SOX6: variants seen among roughly 807,000 people sequenced by gnomAD.
The protein encoded by SOX6 is SRY-box transcription factor 6.
SOX6 carries 11 observed loss-of-function variants against 97.8 expected under a neutral mutation model. The observed-to-expected ratio is 0.11, with a 90% CI of 0.07 to 0.19. SOX6 has a LOEUF of 0.19. Ranked by LOEUF, SOX6 falls within the 10% of genes least tolerant of loss-of-function variation. SOX6 has a pLI of 1.00. For synonymous variants in SOX6, 360 were observed against 371.4 expected (o/e 0.97, Z 0.35); for missense variants, 810 against 1,039.5 (o/e 0.78, Z 3.04).
intron 3 of SOX6, among the ~76,000 whole-genome samples, chr11:16,286,917 G>T (rs12799126): frequency 0.17 from 25,706 of 151,432 alleles, 2,655 homozygotes; most frequent in Admixed American, 0.29. Flanking sequence ...GGTCCATAAG[G>T]GCTCATCATA....
At chr11:16,732,392 T>C (rs973378934) in intron 2 of SOX6, among the ~76,000 whole-genome samples, 1 of 152,128 alleles carries the variant, frequency 6.6e-6, no homozygotes, top group South Asian at 2.1e-4. Flanking sequence ...AACAGACATA[T>C]AGACCAACAG....
At chr11:16,134,040 T>C (rs1849890734) in intron 6 of SOX6, among the ~76,000 whole-genome samples, 1 of 152,234 alleles carries the variant, frequency 6.6e-6, no homozygotes, top group South Asian at 2.1e-4. Flanking sequence ...ATAATGATTA[T>C]AGTAATAAAG....
rs1308720391 is a variant in SOX6 at position 16,183,973 on chromosome 11, C to A, written c.709-19G>T. 3 of 1,609,864 alleles carry A rather than the reference C, an allele frequency of 1.9e-6. No individual in the cohort carries two copies. The highest frequency in any genetic ancestry group is 1.3e-5 in the African/African-American group (1 of 74,868). ...TCGCAATCTATCAGAAATAAAGTTT[C>A]ATTAAGTTAAAATGAAATGCTTACA... On this transcript the variant is annotated intron_variant, in intron 5 of 15. Coordinates refer to ENST00000683767, the MANE Select transcript of SOX6 (RefSeq NM_001367873.1).
rs1439397074 is a variant in SOX6 at position 16,583,940 on chromosome 11, T to A, written n.609+28141A>T. ...CAGCATTTTTTTGTCTTTTTGATTA[T>A]AGCCATACTAACTGGGGCGAGATAA... On this transcript the variant is annotated intron_variant and non_coding_transcript_variant, in intron 4 of 5. Coordinates refer to the SOX6 transcript ENST00000524520. 2.6e-5 allele frequency among the ~76,000 whole-genome samples: 4 copies of A among 152,136 alleles called. No individual in the cohort carries two copies. The East Asian group carries it at 7.7e-4, about 29-fold the overall frequency.
At position 16,642,734 on chromosome 11, in the gene SOX6, A is replaced by G. The variant is rs149021940; in HGVS notation, n.430-30474T>C. Among the ~76,000 whole-genome samples the G allele has an allele frequency of 3.9e-3, 594 of 151,510 alleles. 27 individuals are homozygous for G. In the East Asian group the frequency reaches 0.091, roughly 23 times the overall value. On this transcript the variant is annotated intron_variant and non_coding_transcript_variant, in intron 3 of 5. Transcript: ENST00000524520. ...CTATTGAAGCATGTGCATTTGTCACATAGTTCTCATGCCATGGTTTTCAGC... is the reference window on the plus strand; with the variant it reads ...CTATTGAAGCATGTGCATTTGTCACGTAGTTCTCATGCCATGGTTTTCAGC...
intron 1 of SOX6, among the ~76,000 whole-genome samples, chr11:16,342,589 C>T (rs149195043): frequency 3.4e-4 from 51 of 151,932 alleles, no homozygotes; most frequent in African/African-American, 1.1e-3. Context: ...ATCTGTCACA[C>T]GCTTTCATGA....
chr11:16,059,252 G>A (rs1249818232), intron 9 of SOX6, among the ~76,000 whole-genome samples: 1 of 151,982 alleles, frequency 6.6e-6, no homozygotes, highest in Non-Finnish European at 1.5e-5. Context: ...AATCTGCTGT[G>A]GTTAACCAGA....
chr11:16,151,228 C>T (rs888310592), intron 6 of SOX6, among the ~76,000 whole-genome samples: 3 of 152,000 alleles, frequency 2.0e-5, no homozygotes, highest in East Asian at 1.9e-4. Context: ...TTGAGAAGTT[C>T]TAGGTTTCAA....
chr11:16,123,239 G>A (rs118152431), intron 6 of SOX6, among the ~76,000 whole-genome samples: 1 of 152,030 alleles, frequency 6.6e-6, no homozygotes, highest in Non-Finnish European at 1.5e-5. Flanking sequence ...ATCACTGTGA[G>A]CTCATTATGC....
intron 9 of SOX6, among the ~76,000 whole-genome samples, chr11:16,077,970 C>T (rs1030186320): frequency 6.6e-6 from 1 of 152,274 alleles, no homozygotes; most frequent in East Asian, 1.9e-4. Context: ...TACTCAATCT[C>T]TCTCTCTCTG....
chr11:16,521,536 A>C (rs1861063279), intron 4 of SOX6, among the ~76,000 whole-genome samples: 1 of 152,180 alleles, frequency 6.6e-6, no homozygotes, highest in Admixed American at 6.5e-5. Flanking sequence ...GGGGAAAAAA[A>C]CAGAGCAGAA....
chr11:16,476,757 T>C (rs1860258575), upstream of SOX6, among the ~76,000 whole-genome samples: 1 of 152,214 alleles, frequency 6.6e-6, no homozygotes, highest in Non-Finnish European at 1.5e-5. Flanking sequence ...ATGAATTAGC[T>C]TCACAGAGAA....
chr11:16,153,579 T>A (rs1186053271), intron 6 of SOX6, among the ~76,000 whole-genome samples: 2 of 152,108 alleles, frequency 1.3e-5, no homozygotes, highest in Admixed American at 1.3e-4. Flanking sequence ...TATGAGCAAC[T>A]GAACACATAA....
intron 3 of SOX6, chr11:16,264,633 C>T (rs1020348171): frequency 2.0e-5 from 3 of 151,666 alleles, no homozygotes; most frequent in Non-Finnish European, 4.4e-5. Context: ...GTTGTTTTGA[C>T]AGATGCTGTG....
intron 1 of SOX6, among the ~76,000 whole-genome samples, chr11:16,446,456 G>A (rs1485585970): frequency 6.6e-6 from 1 of 152,030 alleles, no homozygotes; most frequent in Non-Finnish European, 1.5e-5. Context: ...AATGAGGTAA[G>A]CGAATTACCT....
intron 3 of SOX6, among the ~76,000 whole-genome samples, chr11:16,691,383 A>T (rs563242104): frequency 1.3e-5 from 2 of 152,380 alleles, no homozygotes; most frequent in East Asian, 3.9e-4. Flanking sequence ...GAATTCACTT[A>T]TAGTGGAAAG....
intron 3 of SOX6, among the ~76,000 whole-genome samples, chr11:16,655,962 C>T (rs1169937710): frequency 2.0e-5 from 3 of 151,568 alleles, no homozygotes; most frequent in African/African-American, 7.3e-5. Flanking sequence ...GAGTGAGACC[C>T]TGTCTCATTA....
intron 4 of SOX6, among the ~76,000 whole-genome samples, chr11:16,555,090 C>G (rs1847735894): frequency 6.6e-6 from 1 of 151,866 alleles, no homozygotes; most frequent in Non-Finnish European, 1.5e-5. Flanking sequence ...GAAAACATCT[C>G]AATCTCAATC....
At chr11:16,701,912 C>T (rs4757426) in intron 3 of SOX6, among the ~76,000 whole-genome samples, 46,955 of 151,668 alleles carry the variant, frequency 0.31, 8,778 homozygotes, top group Non-Finnish European at 0.42. Flanking sequence ...AAAGGATATG[C>T]AACTTTATAG....
Sources: allele counts gnomAD v4.1 joint callset (sites outside exome capture counted in the v4.1 genomes callset), GRCh38; gene constraint gnomAD v4.1.1; transcripts MANE v1.5; gene names NCBI Gene and HGNC (gene_info 2026-07-23, HGNC 2026-07-21).